Variants in ZBBX observed in about 807,000 individuals in gnomAD.
The protein encoded by ZBBX is zinc finger B-box domain-containing protein 1.
In ZBBX, 101 loss-of-function variants were observed where a neutral mutation model predicts 108.5. The ratio of observed to expected loss-of-function variants is 0.93; its 90% CI spans 0.79 to 1.10. The LOEUF is 1.10. ZBBX is among the 50% of genes least tolerant of loss of function. ZBBX has a pLI of 0.00. For missense variants in ZBBX, 1,009 were observed against 941.4 expected (o/e 1.07, Z -0.94); for synonymous variants, 356 against 323.4 (o/e 1.10, Z -1.08).
chr3:167,270,573 C>T (rs1254765867), intron 20 of ZBBX, among the ~76,000 whole-genome samples: 4 of 152,146 alleles, frequency 2.6e-5, no homozygotes, highest in Non-Finnish European at 5.9e-5. Context: ...CAGTGGCTGC[C>T]GGCAGCCTGT....
upstream of ZBBX, among the ~76,000 whole-genome samples, chr3:167,384,805 A>G (rs1747857428): frequency 6.6e-6 from 1 of 152,082 alleles, no homozygotes; most frequent in African/African-American, 2.4e-5. Flanking sequence ...TTATTCCTGT[A>G]ATCATCTATT....
rs375277197 is a variant in ZBBX at position 167,240,749 on chromosome 3, T to G, written c.*44A>C. On this transcript the variant is annotated 3_prime_UTR_variant, in exon 22 of 22. Coordinates refer to ENST00000675490, the MANE Select transcript of ZBBX (RefSeq NM_001199201.2). ...TTGGTTACTTTTCTCAGTTGTTTGC[T>G]TTACTCTGGGTACAAAATGGAAACA... 2 of 1,595,544 alleles carry G rather than the reference T, an allele frequency of 1.3e-6. No individual in the cohort carries two copies. Among genetic ancestry groups the G allele is most frequent in the Admixed American group, 1.7e-5 (1 of 58,272 alleles).
chr3:167,240,919 G>T lies in ZBBX; in HGVS notation c.2394C>A (p.Ser798Arg), dbSNP rs1720552779. ...GAATTTTGGTATCTCTTCCAGAACAGCTGAAAATACATAACAAGATCAATA... is the reference window on the plus strand; with the variant it reads ...GAATTTTGGTATCTCTTCCAGAACATCTGAAAATACATAACAAGATCAATA... Reference protein sequence around the residue: ...VRGPCGVEELSCSGRDTKIQS... With the variant: ...VRGPCGVEELRCSGRDTKIQS... Residue 798 changes from serine to arginine, a missense_variant and splice_region_variant, in exon 22 of 22, where the codon AGC becomes AGA. Transcript: ENST00000675490. 1 of 1,612,326 alleles carries T rather than the reference G, an allele frequency of 6.2e-7. No individual in the cohort carries two copies. The highest frequency in any genetic ancestry group is 1.7e-5 in the Admixed American group (1 of 59,924).
upstream of ZBBX, among the ~76,000 whole-genome samples, chr3:167,382,139 A>C (rs968496366): frequency 2.0e-5 from 3 of 152,240 alleles, no homozygotes; most frequent in African/African-American, 7.2e-5. Context: ...TAATGTATAA[A>C]GTATTCTTGC....
At chr3:167,226,940 T>C in the ZBBX span, among the ~76,000 whole-genome samples, 61 of 151,886 alleles carry the variant, frequency 4.0e-4, 1 homozygote, top group Middle Eastern at 6.8e-3. Context: ...CCTGTATCTT[T>C]GTGTGATGCC....
chr3:167,280,495 A>G (rs1298337554), intron 20 of ZBBX, among the ~76,000 whole-genome samples: 4 of 150,892 alleles, frequency 2.7e-5, no homozygotes, highest in Admixed American at 2.0e-4. Context: ...CAAAAAACAC[A>G]TGAAAAAATG....
rs186232162 is a variant in ZBBX, at chr3:167,357,431, G to A, written c.432+2439C>T. 6.7e-3 allele frequency among the ~76,000 whole-genome samples: 1,016 copies of A among 152,234 alleles called. 2 individuals are homozygous for A. The highest frequency in any genetic ancestry group is 0.01 in the Non-Finnish European group (713 of 68,006). ...TTGACCTTGACAGAAACAGTTCCTG[G>A]ATAGTAGTGGAGACCCAAGACTGAA... On this transcript the variant is annotated intron_variant, in intron 8 of 21. Transcript: ENST00000675490.
Position 167,240,847 on chromosome 3 carries a change from TTCC to T in ZBBX, c.2463_2465del (p.Glu822del), listed in dbSNP as rs751049406. 6.2e-7 allele frequency: 1 copy of T among 1,613,666 alleles called. No individual in the cohort carries two copies. Among genetic ancestry groups the T allele is most frequent in the South Asian group, 1.1e-5 (1 of 91,066 alleles). On this transcript the variant is annotated inframe_deletion, in exon 22 of 22. Coordinates refer to ENST00000675490, the MANE Select transcript of ZBBX (RefSeq NM_001199201.2). The stretch of plus-strand genomic sequence containing the variant: ...TGACATGTTGCTTGTTGAGAAAATC[TTCC>T]TCCTCCTCATCTGTACTGCTCTCAG...
Position 167,322,258 on chromosome 3 carries a change from T to C in ZBBX, c.863-21A>G, listed in dbSNP as rs1332228900. 4 of 1,428,826 alleles carry C rather than the reference T, an allele frequency of 2.8e-6. No homozygotes were observed. In the African/African-American group the frequency reaches 4.4e-5, roughly 16 times the overall value. The allele number at this position is 1,428,826 out of a possible 1,614,324, so 88.5% of individuals were successfully genotyped here. A position where few individuals can be genotyped will look rare whatever the true frequency, so the allele number is the denominator to read the frequency against. ...TGAGTCTGTAAAAATAAACACAATG[T>C]GCATAATTAAAATAAGCAAGTTTAC... On this transcript the variant is annotated intron_variant, in intron 11 of 21. Transcript: ENST00000675490.
intron 16 of ZBBX, among the ~76,000 whole-genome samples, chr3:167,309,837 C>A (rs1376224276): frequency 6.6e-6 from 1 of 152,238 alleles, no homozygotes; most frequent in Non-Finnish European, 1.5e-5. Flanking sequence ...ATACAAATTT[C>A]TGCAGCATGT....
chr3:167,218,277 C>T, the ZBBX span, among the ~76,000 whole-genome samples: 1 of 152,022 alleles, frequency 6.6e-6, no homozygotes, highest in African/African-American at 2.4e-5. Context: ...AAAAAATCAT[C>T]TGAAAGTGAA....
At chr3:167,180,128 G>C in the ZBBX span, among the ~76,000 whole-genome samples, 1 of 152,096 alleles carries the variant, frequency 6.6e-6, no homozygotes, top group Non-Finnish European at 1.5e-5. Context: ...GTAGGTGAAT[G>C]CTGGGTTGAA....
At chr3:167,345,427 ACTC>A (rs1172792573) in intron 9 of ZBBX, among the ~76,000 whole-genome samples, 2 of 151,924 alleles carry the variant, frequency 1.3e-5, no homozygotes, top group South Asian at 4.1e-4. Flanking sequence ...ATATGACAAT[ACTC>A]AATTGTTCAC....
chr3:167,252,084 A>G (rs1722721629), intron 20 of ZBBX: 2 of 1,210,988 alleles, frequency 1.7e-6, no homozygotes, highest in Middle Eastern at 2.9e-4. Flanking sequence ...TGGCAGTCTG[A>G]TATCAGCCAC....
At chr3:167,204,474 G>C in the ZBBX span, among the ~76,000 whole-genome samples, 2 of 143,344 alleles carry the variant, frequency 1.4e-5, no homozygotes, top group South Asian at 4.5e-4. Flanking sequence ...TCCCACCTAT[G>C]AGTGAGAATA....
intron 17 of ZBBX, among the ~76,000 whole-genome samples, chr3:167,301,616 C>T (rs1560093971): frequency 6.6e-6 from 1 of 152,148 alleles, no homozygotes; most frequent in Non-Finnish European, 1.5e-5. Context: ...TTTTTGCTTA[C>T]ATTCAGTTCT....
In ZBBX at chr3:167,298,429, C is replaced by T. The variant is rs200020509; in HGVS notation, c.1755G>A (p.Lys585=). Reference sequence around the variant, plus strand: ...GTCCTTGATATTGTTTTGTTATAGGCTTACTTCTGCAGGCTATTTCTTGTA... The same window carrying T: ...GTCCTTGATATTGTTTTGTTATAGGTTTACTTCTGCAGGCTATTTCTTGTA... ...LLLQEIACRS[K]PITKQYQGLE... Residue 585 remains lysine (K), a synonymous_variant, in exon 18 of 22, where the codon AAG becomes AAA. Coordinates refer to ENST00000675490, the MANE Select transcript of ZBBX (RefSeq NM_001199201.2). 2.0e-6 allele frequency: 3 copies of T among 1,530,794 alleles called. No homozygotes were observed. Among genetic ancestry groups the T allele is most frequent in the Non-Finnish European group, 2.7e-6 (3 of 1,131,118 alleles). The allele number at this position is 1,530,794 out of a possible 1,614,324, so 94.8% of individuals were successfully genotyped here.
chr3:167,406,643 C>T (rs1748597561), intron 1 of ZBBX, among the ~76,000 whole-genome samples: 1 of 152,136 alleles, frequency 6.6e-6, no homozygotes, highest in South Asian at 2.1e-4. Context: ...ATTTTAAAAA[C>T]ATTTTCTCCT....
the ZBBX span, among the ~76,000 whole-genome samples, chr3:167,178,785 C>T: frequency 1.3e-5 from 2 of 152,108 alleles, no homozygotes; most frequent in East Asian, 1.9e-4. Flanking sequence ...AGATGCTGTT[C>T]AGCTGCTGAT....
Sources: gnomAD v4.1 joint callset for allele counts (sites outside exome capture counted in the v4.1 genomes callset) on GRCh38, gnomAD v4.1.1 for gene constraint, MANE v1.5 for transcripts, NCBI Gene and HGNC (gene_info 2026-07-23, HGNC 2026-07-21) for gene names.